The following PRUNE2 variants were observed in gnomAD, a reference collection of about 807,000 sequenced individuals.
The protein encoded by PRUNE2 is prune homolog 2 with BCH domain, also known as protein prune homolog 2.
PRUNE2 carries 164 observed loss-of-function variants against 252.0 expected under a neutral mutation model. That is an observed-to-expected ratio of 0.65 (90% confidence interval 0.57 to 0.74). The LOEUF (loss-of-function observed/expected upper bound fraction) is 0.74. PRUNE2 is among the 30% of genes least tolerant of loss of function. The pLI is 0.00. For synonymous variants in PRUNE2, 1,292 were observed against 1,350.2 expected (o/e 0.96, Z 0.94); for missense variants, 3,495 against 3,711.0 (o/e 0.94, Z 1.51).
At chr9:76,900,378 C>T (rs1011545111) in intron 1 of PRUNE2, among the ~76,000 whole-genome samples, 1 of 152,144 alleles carries the variant, frequency 6.6e-6, no homozygotes, top group Non-Finnish European at 1.5e-5. Flanking sequence ...CTAGAGCCCA[C>T]TAGTCTCATA....
intron 6 of PRUNE2, among the ~76,000 whole-genome samples, chr9:76,806,484 G>A (rs577001189): frequency 6.6e-6 from 1 of 151,260 alleles, no homozygotes; most frequent in South Asian, 2.1e-4. Flanking sequence ...CTTATGAGGG[G>A]CTTACCATGT....
chr9:76,670,774 A>G (rs1563985242), intron 9 of PRUNE2, among the ~76,000 whole-genome samples: 2 of 151,066 alleles, frequency 1.3e-5, no homozygotes, highest in African/African-American at 4.9e-5. Flanking sequence ...ACTGGGAGGC[A>G]CCCCCCAGCA....
intron 6 of PRUNE2, among the ~76,000 whole-genome samples, chr9:76,792,132 C>T (rs1439589608): frequency 6.6e-6 from 1 of 152,070 alleles, no homozygotes. Context: ...ATTATAGCTG[C>T]TATATTTCCC....
At chr9:76,805,778 AT>A (rs1312933776) in intron 6 of PRUNE2, among the ~76,000 whole-genome samples, 1 of 152,186 alleles carries the variant, frequency 6.6e-6, no homozygotes, top group Admixed American at 6.5e-5. Flanking sequence ...CAATTAATTG[AT>A]TCTTCTGTGA....
At chr9:76,824,475 G>A (rs983989320) in intron 5 of PRUNE2, among the ~76,000 whole-genome samples, 8 of 152,074 alleles carry the variant, frequency 5.3e-5, no homozygotes, top group African/African-American at 1.4e-4. Context: ...GCTTACCCTC[G>A]TAATAGGCTC....
chr9:76,665,429 T>C (rs2039958028), intron 9 of PRUNE2, among the ~76,000 whole-genome samples: 1 of 152,016 alleles, frequency 6.6e-6, no homozygotes, highest in African/African-American at 2.4e-5. Context: ...ACCTGGGACC[T>C]CACCTCCTCC....
At chr9:76,765,769 T>C (rs2052294017) in intron 6 of PRUNE2, among the ~76,000 whole-genome samples, 1 of 152,216 alleles carries the variant, frequency 6.6e-6, no homozygotes, top group African/African-American at 2.4e-5. Context: ...CTTTCTGAAC[T>C]TGTCCAAACC....
At chr9:76,802,324 A>G (rs1488238008) in intron 6 of PRUNE2, among the ~76,000 whole-genome samples, 2 of 152,192 alleles carry the variant, frequency 1.3e-5, no homozygotes, top group African/African-American at 4.8e-5. Flanking sequence ...ACGAAAGTCC[A>G]GACTATGCAG....
At chr9:76,674,006 G>A (rs2042033419) in intron 9 of PRUNE2, among the ~76,000 whole-genome samples, 1 of 152,158 alleles carries the variant, frequency 6.6e-6, no homozygotes, top group East Asian at 1.9e-4. Flanking sequence ...AGACAGGGAT[G>A]CCCTCTCTCA....
intron 4 of PRUNE2, among the ~76,000 whole-genome samples, chr9:76,839,448 T>C (rs1299424292): frequency 6.6e-6 from 1 of 152,190 alleles, no homozygotes; most frequent in South Asian, 2.1e-4. Context: ...GAACGGCTTA[T>C]GTAAATCATC....
chr9:76,620,364 C>G (rs1053890575), intron 17 of PRUNE2, among the ~76,000 whole-genome samples: 2 of 152,084 alleles, frequency 1.3e-5, no homozygotes, highest in Admixed American at 6.6e-5. Flanking sequence ...TGGTCTCAAA[C>G]TCCTGGACTC....
intron 2 of PRUNE2, among the ~76,000 whole-genome samples, chr9:76,853,145 T>C (rs1404728143): frequency 6.6e-6 from 1 of 152,206 alleles, no homozygotes; most frequent in Non-Finnish European, 1.5e-5. Context: ...TTAAGATAAA[T>C]TTGATATAAA....
chr9:76,733,284 G>A (rs1288873881), intron 6 of PRUNE2, among the ~76,000 whole-genome samples: 1 of 152,200 alleles, frequency 6.6e-6, no homozygotes, highest in Non-Finnish European at 1.5e-5. Context: ...GGACTGAAGT[G>A]CTATATTGCA....
At chr9:76,669,607 G>A (rs1332876905) in intron 9 of PRUNE2, among the ~76,000 whole-genome samples, 5 of 152,150 alleles carry the variant, frequency 3.3e-5, no homozygotes, top group African/African-American at 4.8e-5. Context: ...GGCATGAGCC[G>A]CCATGCCCAG....
chr9:76,654,542 T>C (rs567567505), intron 10 of PRUNE2, among the ~76,000 whole-genome samples: 9 of 152,362 alleles, frequency 5.9e-5, no homozygotes, highest in Admixed American at 3.3e-4. Flanking sequence ...GAAATGAGGC[T>C]AGTGCAACTG....
At chr9:76,719,623 A>AG (rs1162562440) in intron 6 of PRUNE2, among the ~76,000 whole-genome samples, 1 of 152,006 alleles carries the variant, frequency 6.6e-6, no homozygotes, top group Non-Finnish European at 1.5e-5. Flanking sequence ...CCTCTCTAAA[A>AG]GAAAAAAAAG....
intron 6 of PRUNE2, among the ~76,000 whole-genome samples, chr9:76,812,169 T>C (rs1043792190): frequency 5.9e-5 from 9 of 152,176 alleles, no homozygotes; most frequent in African/African-American, 1.7e-4. Context: ...TCTAGCCGAA[T>C]AGAAGAGAGC....
At chr9:76,654,886 G>C (rs940281653) in intron 10 of PRUNE2, among the ~76,000 whole-genome samples, 7 of 152,144 alleles carry the variant, frequency 4.6e-5, no homozygotes, top group African/African-American at 1.7e-4. Context: ...TCCTGGAGTT[G>C]GTGTAATGCA....
intron 6 of PRUNE2, among the ~76,000 whole-genome samples, chr9:76,746,290 G>A (rs1342864914): frequency 1.3e-5 from 2 of 152,206 alleles, no homozygotes; most frequent in African/African-American, 4.8e-5. Context: ...CATTATTAGA[G>A]GCTTGGGACT....
Sources: gnomAD v4.1 joint callset for allele counts (sites outside exome capture counted in the v4.1 genomes callset) on GRCh38, gnomAD v4.1.1 for gene constraint, MANE v1.5 for transcripts, NCBI Gene and HGNC (gene_info 2026-07-23, HGNC 2026-07-21) for gene names.